The following MICAL2 variants were observed in gnomAD, a reference collection of about 807,000 sequenced individuals.
MICAL2 encodes [F-actin]-monooxygenase MICAL2.
A neutral mutation model predicts 127.3 loss-of-function variants in MICAL2; 77 were observed. That is an observed-to-expected ratio of 0.60 (90% CI 0.50 to 0.73). MICAL2 has a LOEUF of 0.73. MICAL2 is among the 30% of genes least tolerant of loss of function. MICAL2 has a pLI of 0.00. For synonymous variants in MICAL2, 570 were observed against 551.1 expected (o/e 1.03, Z -0.48); for missense variants, 1,351 against 1,434.4 (o/e 0.94, Z 0.94).
chr11:12,317,613 G>A (rs891044701), intron 29 of MICAL2, among the ~76,000 whole-genome samples: 10 of 152,062 alleles, frequency 6.6e-5, no homozygotes, highest in East Asian at 1.9e-4. Context: ...CCAACATGGC[G>A]AAACTCCATC....
intron 3 of MICAL2, among the ~76,000 whole-genome samples, chr11:12,179,863 C>G (rs2133938270): frequency 6.6e-6 from 1 of 152,372 alleles, no homozygotes; most frequent in Non-Finnish European, 1.5e-5. Flanking sequence ...AGTTTCCTGT[C>G]TGTATCAATT....
At chr11:12,210,068 C>A (rs1042763279) in intron 6 of MICAL2, among the ~76,000 whole-genome samples, 3 of 152,138 alleles carry the variant, frequency 2.0e-5, no homozygotes, top group Admixed American at 2.0e-4. Context: ...ATTATTTATA[C>A]TTGAAGGAGG....
chr11:12,281,674 G>C (rs1295142504), intron 2 of MICAL2, among the ~76,000 whole-genome samples: 1 of 152,288 alleles, frequency 6.6e-6, no homozygotes, highest in East Asian at 1.9e-4. Flanking sequence ...GGTCATCCCA[G>C]GATGACCCTG....
At chr11:12,259,229 A>G (rs906729594) in intron 25 of MICAL2, among the ~76,000 whole-genome samples, 1 of 152,256 alleles carries the variant, frequency 6.6e-6, no homozygotes, top group Non-Finnish European at 1.5e-5. Context: ...ATTTTGTAAC[A>G]TCCCTTTCCA....
intron 27 of MICAL2, 75 bp downstream of exon 27, chr11:12,262,612 C>A: frequency 8.1e-7 from 1 of 1,236,600 alleles, no homozygotes; most frequent in Middle Eastern, 1.9e-4. Flanking sequence ...GTCCTCTCCG[C>A]CAGCAGTACT....
chr11:12,327,424 A>G (rs1436191253), intron 32 of MICAL2, among the ~76,000 whole-genome samples: 3 of 152,206 alleles, frequency 2.0e-5, no homozygotes, highest in Non-Finnish European at 4.4e-5. Flanking sequence ...ACATCAAACT[A>G]TTGTTTCTCG....
intron 32 of MICAL2, among the ~76,000 whole-genome samples, chr11:12,329,021 A>G (rs987741983): frequency 6.6e-6 from 1 of 152,164 alleles, no homozygotes; most frequent in Non-Finnish European, 1.5e-5. Context: ...TCTGTGCTTC[A>G]GTTTTCTTGT....
chr11:12,182,210 G>A (rs1435526072), intron 3 of MICAL2, among the ~76,000 whole-genome samples: 1 of 152,142 alleles, frequency 6.6e-6, no homozygotes, highest in African/African-American at 2.4e-5. Flanking sequence ...GTGTCCATAG[G>A]TTTTATCAAG....
intron 1 of MICAL2, among the ~76,000 whole-genome samples, chr11:12,113,530 T>C (rs1849762942): frequency 6.6e-6 from 1 of 152,270 alleles, no homozygotes. Context: ...GCACAGCTCC[T>C]CTGCTGCGCA....
chr11:12,146,463 G>T (rs1443087277), intron 2 of MICAL2, among the ~76,000 whole-genome samples: 1 of 152,196 alleles, frequency 6.6e-6, no homozygotes, highest in Admixed American at 6.5e-5. Flanking sequence ...GTGAAAAAAT[G>T]CTCATCATCA....
intron 2 of MICAL2, among the ~76,000 whole-genome samples, chr11:12,149,504 A>G (rs767909160): frequency 6.6e-6 from 1 of 152,114 alleles, no homozygotes; most frequent in Non-Finnish European, 1.5e-5. Context: ...CGAGATTTTG[A>G]GAGTTCCAGG....
chr11:12,191,772 A>G (rs1302934250), intron 3 of MICAL2, among the ~76,000 whole-genome samples: 2 of 123,990 alleles, frequency 1.6e-5, no homozygotes, highest in African/African-American at 3.0e-5. Flanking sequence ...GTCTCCAAAA[A>G]GAAAAAGAAA....
chr11:12,227,020 A>G lies in MICAL2; in HGVS notation c.1889-5A>G. On this transcript the variant is annotated splice_polypyrimidine_tract_variant and splice_region_variant and intron_variant, in intron 14 of 27. Transcript: ENST00000683283. ...AAATCACAGTTGCGCTTTATTTCCC[A>G]ACAGATTCTTGGCGCAAAAACTATG... 6.2e-7 allele frequency: 1 copy of G among 1,611,950 alleles called. No individual in the cohort carries two copies. The highest frequency in any genetic ancestry group is 8.5e-7 in the Non-Finnish European group (1 of 1,178,160).
chr11:12,292,022 C>A, downstream of MICAL2: 1 of 1,250,688 alleles, frequency 8.0e-7, no homozygotes, highest in Non-Finnish European at 1.1e-6. Context: ...ACCTCTGAGT[C>A]AGGCTCTGAC....
At chr11:12,194,331 T>G (rs6485572) in intron 3 of MICAL2, among the ~76,000 whole-genome samples, 140,045 of 152,280 alleles carry the variant, frequency 0.92, 65,194 homozygotes, top group Non-Finnish European at 0.99. Flanking sequence ...TGATGGATGT[T>G]CGTTGTTGTG....
chr11:12,248,518 T>C (rs1452877708), intron 21 of MICAL2, among the ~76,000 whole-genome samples: 1 of 152,228 alleles, frequency 6.6e-6, no homozygotes, highest in East Asian at 1.9e-4. Flanking sequence ...AAGAAGGCAC[T>C]GAGCGTTTGC....
At chr11:12,292,590 A>G (rs1455528409), downstream of MICAL2, among the ~76,000 whole-genome samples, 1 of 152,194 alleles carries the variant, frequency 6.6e-6, no homozygotes, top group Non-Finnish European at 1.5e-5. Flanking sequence ...CTGCTAGGAC[A>G]CCTTTCCCTT....
At chr11:12,337,176 T>G (rs1938779324) in intron 32 of MICAL2, among the ~76,000 whole-genome samples, 1 of 152,236 alleles carries the variant, frequency 6.6e-6, no homozygotes, top group Non-Finnish European at 1.5e-5. Context: ...CCTGGTTTAG[T>G]CTTCGGAGGG....
At position 12,341,878 on chromosome 11, in the gene MICAL2, A is replaced by G. The variant is rs548945223; in HGVS notation, c.5516-7960A>G. Among the ~76,000 whole-genome samples the G allele has an allele frequency of 2.0e-5, 3 of 152,282 alleles. No individual in the cohort carries two copies. The East Asian group carries it at 5.8e-4, about 29-fold the overall frequency. ...AGTTATTGACCTTTACATGCCAATC[A>G]TCGTAGGGTAAGTAGGGACTAAGAT... On this transcript the variant is annotated intron_variant, in intron 32 of 34. Coordinates refer to the MICAL2 transcript ENST00000646065.
Sources: gnomAD v4.1 joint callset for allele counts (sites outside exome capture counted in the v4.1 genomes callset) on GRCh38, gnomAD v4.1.1 for gene constraint, MANE v1.5 for transcripts, NCBI Gene and HGNC (gene_info 2026-07-23, HGNC 2026-07-21) for gene names.